EEA1: variants seen among roughly 807,000 people sequenced by gnomAD.
EEA1 encodes the protein early endosome antigen 1, also known as early endosome antigen 1, 162kD.
A neutral mutation model predicts 209.2 loss-of-function variants in EEA1; 111 were observed. That is an observed-to-expected ratio of 0.53 (90% confidence interval 0.45 to 0.62). The LOEUF is 0.62. EEA1 is among the 20% of genes least tolerant of loss of function. The pLI, the probability that EEA1 is intolerant of heterozygous loss-of-function variation, is 0.00. For synonymous variants in EEA1, 536 were observed against 540.6 expected (o/e 0.99, Z 0.12); for missense variants, 1,343 against 1,530.8 (o/e 0.88, Z 2.05).
At chr12:92,853,845 A>G (rs1024062472) in intron 6 of EEA1, 70 bp downstream of exon 6, 1 of 1,415,070 alleles carries the variant, frequency 7.1e-7, no homozygotes, top group African/African-American at 1.5e-5. Flanking sequence ...GCAGGCATCA[A>G]AGAAAAAGAA....
Position 92,929,168 on chromosome 12 carries a change from G to T in EEA1, c.-102C>A. The T allele has an allele frequency of 8.0e-7, 1 of 1,251,226 alleles. No homozygotes were observed. Among genetic ancestry groups the T allele is most frequent in the Non-Finnish European group, 1.1e-6 (1 of 900,532 alleles). The allele number at this position is 1,251,226 out of a possible 1,614,324, so 77.5% of individuals were successfully genotyped here. ...GGCGGGAGGGACTGGGCCGGGAGGG[G>T]ACCGGGAAGGAGGTCGGGGCGAGGC... On this transcript the variant is annotated 5_prime_UTR_variant, in exon 1 of 29. Transcript: ENST00000322349.
At chr12:92,810,344 C>T (rs1464630510) in intron 17 of EEA1, among the ~76,000 whole-genome samples, 1 of 151,948 alleles carries the variant, frequency 6.6e-6, no homozygotes, top group Non-Finnish European at 1.5e-5. Context: ...TCTAAATAAC[C>T]ACTATTTTTA....
chr12:92,777,031 A>G, intron 27 of EEA1, 89 bp from the exon 28 acceptor site: 1 of 1,385,648 alleles, frequency 7.2e-7, no homozygotes, highest in Non-Finnish European at 1.0e-6. Flanking sequence ...GAGTTCTATA[A>G]AATTTTGACT....
chr12:92,798,900 A>C lies in EEA1; in HGVS notation c.2959T>G (p.Leu987Val). ...AACAAATATATCACTACCTTCTGTAAAACAGCAATTTTAAGCTCTCCTTGG... is the reference window on the plus strand; with the variant it reads ...AACAAATATATCACTACCTTCTGTACAACAGCAATTTTAAGCTCTCCTTGG... ...ALQGELKIAV[L>V]QKTELENKLQ... Residue 987 changes from leucine to valine, a missense_variant, in exon 21 of 29, where the codon TTA (leucine) becomes GTA (valine). Physicochemically the swap from Leu to Val is conservative, Grantham distance 32 (BLOSUM62 1). Transcript: ENST00000322349. The C allele has an allele frequency of 1.4e-5, 22 of 1,586,038 alleles. No homozygotes were observed. Among genetic ancestry groups the C allele is most frequent in the Non-Finnish European group, 1.8e-5 (21 of 1,171,944 alleles).
intron 15 of EEA1, 54 bp from the exon 16 acceptor site, chr12:92,813,147 T>G: frequency 8.3e-7 from 1 of 1,198,154 alleles, no homozygotes; most frequent in Non-Finnish European, 1.2e-6. Flanking sequence ...GATTTCCTCT[T>G]GCTTGAACGC....
rs538342373 is a variant in EEA1, at chr12:92,791,011, T to A, written c.2968-2962A>T. Among the ~76,000 whole-genome samples, 4 of 152,280 alleles carry A rather than the reference T, an allele frequency of 2.6e-5. No individual in the cohort carries two copies. The East Asian group carries it at 7.7e-4, about 29-fold the overall frequency. On this transcript the variant is annotated intron_variant, in intron 21 of 28. Transcript: ENST00000322349. ...ACAATTTTCAACCCAGAATTTCATATCCAGCCAAACTAAGCTTCAAAACTG... is the reference window on the plus strand; with the variant it reads ...ACAATTTTCAACCCAGAATTTCATAACCAGCCAAACTAAGCTTCAAAACTG...
chr12:92,834,176 A>G (rs1367761336), intron 10 of EEA1, among the ~76,000 whole-genome samples: 1 of 152,148 alleles, frequency 6.6e-6, no homozygotes, highest in Non-Finnish European at 1.5e-5. Flanking sequence ...TTTGTCTAAG[A>G]AAAAGTAAGC....
At chr12:92,807,496 GTC>G (rs953542058) in intron 18 of EEA1, among the ~76,000 whole-genome samples, 2 of 152,070 alleles carry the variant, frequency 1.3e-5, no homozygotes, top group African/African-American at 4.8e-5. Flanking sequence ...AAGTAAATTT[GTC>G]TCTATTCACA....
intron 21 of EEA1, among the ~76,000 whole-genome samples, chr12:92,796,305 C>T (rs951876849): frequency 1.3e-5 from 2 of 151,928 alleles, no homozygotes; most frequent in Non-Finnish European, 2.9e-5. Context: ...CAGTAACTCC[C>T]GAATAGTCTT....
intron 19 of EEA1, 64 bp downstream of exon 19, chr12:92,802,340 A>G: frequency 7.1e-7 from 1 of 1,417,850 alleles, no homozygotes. Flanking sequence ...ATTAAGCAGA[A>G]AAATCAGTAC....
At chr12:92,798,283 A>T (rs867075393) in intron 21 of EEA1, among the ~76,000 whole-genome samples, 5 of 152,236 alleles carry the variant, frequency 3.3e-5, no homozygotes, top group Middle Eastern at 6.8e-3. Flanking sequence ...AAATTCCTTT[A>T]AATTTTTCTA....
intron 10 of EEA1, among the ~76,000 whole-genome samples, chr12:92,835,067 G>A (rs924108751): frequency 1.3e-5 from 2 of 151,794 alleles, no homozygotes; most frequent in Admixed American, 6.6e-5. Context: ...ATTTTTAGTA[G>A]AGACGGGGTT....
At position 92,801,548 on chromosome 12, in the gene EEA1, T is replaced by C. The variant is rs576711357; in HGVS notation, c.2772+52A>G. 2.5e-4 allele frequency: 295 copies of C among 1,183,858 alleles called. No homozygotes were observed. In the African/African-American group the frequency reaches 4.4e-3, roughly 18 times the overall value. The allele number at this position is 1,183,858 out of a possible 1,614,324, so 73.3% of individuals were successfully genotyped here. A position where few individuals can be genotyped will look rare whatever the true frequency, so the allele number is the denominator to read the frequency against. On this transcript the variant is annotated intron_variant, in intron 20 of 28. Coordinates refer to ENST00000322349, the MANE Select transcript of EEA1 (RefSeq NM_003566.4). ...TGCTTTATATATTTATTTGAAAATA[T>C]AAAGACCTTACTATACTTTACAGAT... is the stretch of plus-strand genomic sequence containing the variant.
rs544034418 is a variant in EEA1 at position 92,866,246 on chromosome 12, AT to A, written c.118-1260del. On this transcript the variant is annotated intron_variant, in intron 2 of 28. Transcript: ENST00000322349. The stretch of plus-strand genomic sequence containing the variant: ...TTTGTAGTCATTCATTAAATCAAAG[AT>A]TTTTTTAAAATAGTAATTAGCAAAA... 1.7e-3 allele frequency among the ~76,000 whole-genome samples: 253 copies of A among 149,534 alleles called. 6 individuals are homozygous for A. The highest frequency in any genetic ancestry group is 3.6e-4 in the Non-Finnish European group (24 of 67,294).
chr12:92,882,309 C>T (rs1269505422), intron 2 of EEA1, among the ~76,000 whole-genome samples: 6 of 151,766 alleles, frequency 4.0e-5, no homozygotes, highest in Admixed American at 3.9e-4. Context: ...GGTTTCATCA[C>T]GTTGGCCAGG....
At chr12:92,920,758 T>C (rs961942345) in intron 1 of EEA1, among the ~76,000 whole-genome samples, 5 of 151,394 alleles carry the variant, frequency 3.3e-5, no homozygotes, top group Non-Finnish European at 7.4e-5. Context: ...GGGATCTAAT[T>C]AAACTCAAGA....
intron 3 of EEA1, among the ~76,000 whole-genome samples, chr12:92,861,038 T>C (rs1421776484): frequency 2.6e-5 from 4 of 152,218 alleles, no homozygotes; most frequent in Non-Finnish European, 4.4e-5. Flanking sequence ...TGCTCTTTCC[T>C]GTCTCAGAAG....
chr12:92,876,109 T>C (rs1031875422), intron 2 of EEA1, among the ~76,000 whole-genome samples: 4 of 152,182 alleles, frequency 2.6e-5, no homozygotes, highest in Non-Finnish European at 4.4e-5. Context: ...TCTCACTCTA[T>C]CATCCCAGCT....
chr12:92,805,770 A>G (rs1026139569), intron 18 of EEA1, among the ~76,000 whole-genome samples: 2 of 152,204 alleles, frequency 1.3e-5, no homozygotes, highest in African/African-American at 4.8e-5. Context: ...AAGCACTTCT[A>G]TGGCTATATA....
Sources: allele counts gnomAD v4.1 joint callset (sites outside exome capture counted in the v4.1 genomes callset), GRCh38; gene constraint gnomAD v4.1.1; transcripts MANE v1.5; gene names NCBI Gene and HGNC (gene_info 2026-07-23, HGNC 2026-07-21).